Variants in NFKB1 observed in about 807,000 individuals in gnomAD.
NFKB1 encodes the protein nuclear factor kappa B subunit 1, also known as nuclear factor NF-kappa-B p105 subunit.
NFKB1 carries 9 observed loss-of-function variants against 105.1 expected under a neutral mutation model. That is an observed-to-expected ratio of 0.09 (90% CI 0.05 to 0.15). The LOEUF (loss-of-function observed/expected upper bound fraction) is 0.15. Ranked by LOEUF, NFKB1 falls within the 10% of genes least tolerant of loss-of-function variation. NFKB1 has a pLI of 1.00. For missense variants in NFKB1, 830 were observed against 1,203.7 expected (o/e 0.69, Z 4.59); for synonymous variants, 440 against 442.2 (o/e 1.00, Z 0.06).
At chr4:102,613,621 C>G (rs777667036) in intron 23 of NFKB1, 40 bp downstream of exon 23, 1 of 1,587,916 alleles carries the variant, frequency 6.3e-7, no homozygotes, top group African/African-American at 1.3e-5. Context: ...TATTTTCCAG[C>G]TCCCCCAGGC....
Position 102,597,548 on chromosome 4 carries a change from G to A in NFKB1, c.1524G>A (p.Gln508=), listed in dbSNP as rs747985052. The change falls in exon 15 of 24, where the codon CAG becomes CAA. Residue 508 remains glutamine (Q), a synonymous_variant. Coordinates refer to ENST00000226574, the MANE Select transcript of NFKB1 (RefSeq NM_003998.4). ...QDNLFLEKAM[Q]LAKRHANALF... Reference sequence around the variant, plus strand: ...ACCTCTTTCTAGAGAAGGCTATGCAGCTTGCAAAGAGGCATGCCAATGCCC... The same window carrying A: ...ACCTCTTTCTAGAGAAGGCTATGCAACTTGCAAAGAGGCATGCCAATGCCC... 1.2e-6 allele frequency: 2 copies of A among 1,613,506 alleles called. No individual in the cohort carries two copies.
chr4:102,513,233 GT>G (rs1182800871), intron 1 of NFKB1, among the ~76,000 whole-genome samples: 1 of 152,176 alleles, frequency 6.6e-6, no homozygotes, highest in East Asian at 1.9e-4. Context: ...TATTGAAGCA[GT>G]TTTTATGTGG....
intron 5 of NFKB1, among the ~76,000 whole-genome samples, chr4:102,562,088 C>T (rs781356364): frequency 3.9e-5 from 6 of 152,082 alleles, no homozygotes; most frequent in African/African-American, 1.2e-4. Flanking sequence ...AATCCTGAGA[C>T]GTGATAATGG....
chr4:102,602,398 G>T (rs1407488886), intron 16 of NFKB1, among the ~76,000 whole-genome samples: 1 of 151,670 alleles, frequency 6.6e-6, no homozygotes, highest in African/African-American at 2.4e-5. Context: ...AAATTAGCCA[G>T]GCATGGTGGC....
At chr4:102,530,024 T>C (rs757558670) in intron 3 of NFKB1, 110 bp downstream of exon 3, 27 of 732,052 alleles carry the variant, frequency 3.7e-5, no homozygotes, top group Non-Finnish European at 6.1e-5. Context: ...AGAAAGGAAA[T>C]GGTGATTTGT....
intron 1 of NFKB1, among the ~76,000 whole-genome samples, chr4:102,510,580 A>G (rs1228742700): frequency 1.3e-5 from 2 of 152,244 alleles, no homozygotes; most frequent in East Asian, 3.8e-4. Context: ...CTTGATTATC[A>G]GTATGATAAT....
intron 6 of NFKB1, among the ~76,000 whole-genome samples, chr4:102,573,917 T>C (rs1242240398): frequency 1.3e-5 from 2 of 152,048 alleles, no homozygotes; most frequent in African/African-American, 4.8e-5. Context: ...TGTTACTCCT[T>C]AACATACCAA....
intron 5 of NFKB1, chr4:102,556,991 A>T (rs1723034710): frequency 6.6e-6 from 1 of 152,218 alleles, no homozygotes; most frequent in South Asian, 2.1e-4. Context: ...ATTCAAGAAG[A>T]TCAGGAATAA....
chr4:102,513,782 A>C (rs1351523480), intron 1 of NFKB1, among the ~76,000 whole-genome samples: 1 of 152,186 alleles, frequency 6.6e-6, no homozygotes, highest in Non-Finnish European at 1.5e-5. Flanking sequence ...TAGATAACAT[A>C]TTCCGCATGC....
chr4:102,543,568 C>G (rs1721887698), intron 5 of NFKB1, among the ~76,000 whole-genome samples: 1 of 146,846 alleles, frequency 6.8e-6, no homozygotes, highest in Admixed American at 6.8e-5. Flanking sequence ...TTTAGGTCAA[C>G]AACAGCTTTT....
chr4:102,615,729 A>C (rs764966785), intron 23 of NFKB1, among the ~76,000 whole-genome samples: 2 of 152,274 alleles, frequency 1.3e-5, no homozygotes, highest in Non-Finnish European at 2.9e-5. Flanking sequence ...ATCAGTCAAT[A>C]CCAAAATGAT....
intron 16 of NFKB1, among the ~76,000 whole-genome samples, chr4:102,604,108 C>T (rs1727461437): frequency 6.6e-6 from 1 of 152,028 alleles, no homozygotes; most frequent in African/African-American, 2.4e-5. Context: ...GTCAAAGTTG[C>T]CCACCCTGAC....
chr4:102,541,659 G>A (rs893323301), intron 5 of NFKB1, among the ~76,000 whole-genome samples: 1 of 152,060 alleles, frequency 6.6e-6, no homozygotes, highest in Non-Finnish European at 1.5e-5. Flanking sequence ...CCTCGTGGAG[G>A]GTGGCCCCAC....
At chr4:102,580,963 C>A (rs1180902126) in intron 9 of NFKB1, among the ~76,000 whole-genome samples, 1 of 151,972 alleles carries the variant, frequency 6.6e-6, no homozygotes, top group Non-Finnish European at 1.5e-5. Flanking sequence ...AAATAATAGC[C>A]CATTCTTGAC....
At chr4:102,610,386 T>C (rs41275741) in intron 19 of NFKB1, among the ~76,000 whole-genome samples, 189 bp from the exon 20 acceptor site, 2 of 152,214 alleles carry the variant, frequency 1.3e-5, no homozygotes, top group African/African-American at 2.4e-5. Context: ...ACTTTAACAA[T>C]CAAAGTAAAT....
chr4:102,544,684 A>T (rs1721994765), intron 5 of NFKB1, among the ~76,000 whole-genome samples: 1 of 152,126 alleles, frequency 6.6e-6, no homozygotes, highest in African/African-American at 2.4e-5. Flanking sequence ...TTTGTAAAAT[A>T]TTTTTTTAAA....
chr4:102,584,306 A>G (rs1423570010), intron 10 of NFKB1, among the ~76,000 whole-genome samples: 1 of 152,136 alleles, frequency 6.6e-6, no homozygotes, highest in African/African-American at 2.4e-5. Flanking sequence ...TTCCATACCC[A>G]GTCTTTCTGA....
rs4648031 is a variant in NFKB1, at chr4:102,580,731, A to G, written c.835+92A>G. The G allele has an allele frequency of 1.5e-3, 1,428 of 935,442 alleles. 2 individuals carry two copies. Among genetic ancestry groups the G allele is most frequent in the Non-Finnish European group, 1.6e-3 (949 of 608,766 alleles). The allele number at this position is 935,442 out of a possible 1,614,324, so 57.9% of individuals were successfully genotyped here. On this transcript the variant is annotated intron_variant, in intron 9 of 23. Coordinates refer to ENST00000226574, the MANE Select transcript of NFKB1 (RefSeq NM_003998.4). ...TCTGTGAGTCACATTTCAGCAGTGG[A>G]CAAGAAACATCCCTCTGCTGCCACA... is the stretch of plus-strand genomic sequence containing the variant.
rs1403407081 is a variant in NFKB1, at chr4:102,594,925, A to G, written c.1244A>G (p.Tyr415Cys). 3 of 1,611,878 alleles carry G rather than the reference A, an allele frequency of 1.9e-6. No homozygotes were observed. Among genetic ancestry groups the G allele is most frequent in the South Asian group, 1.1e-5 (1 of 90,786 alleles). Residue 415 changes from tyrosine to cysteine, a missense_variant, in exon 13 of 24, where the codon TAT (tyrosine) becomes TGT (cysteine). Physicochemically the swap from Tyr to Cys is radical, Grantham distance 194 (BLOSUM62 -2). Transcript: ENST00000226574. ...TTCCCACACTATGGATTTCCTACTT[A>G]TGGTGGGATTACTTTCCATCCTGGA... is the stretch of plus-strand genomic sequence containing the variant. ...YSFPHYGFPT[Y>C]GGITFHPGTT...
Sources: allele counts gnomAD v4.1 joint callset (sites outside exome capture counted in the v4.1 genomes callset), GRCh38; gene constraint gnomAD v4.1.1; transcripts MANE v1.5; gene names NCBI Gene and HGNC (gene_info 2026-07-23, HGNC 2026-07-21).